The following GPD1L variants were observed in gnomAD, a reference collection of about 807,000 sequenced individuals.
GPD1L encodes the protein glycerol-3-phosphate dehydrogenase 1 like, also known as glycerol-3-phosphate dehydrogenase 1-like protein.
GPD1L carries 17 observed loss-of-function variants against 32.9 expected under a neutral mutation model. The ratio of observed to expected loss-of-function variants is 0.52; its 90% CI spans 0.35 to 0.78. GPD1L has a LOEUF of 0.78. Ranked by LOEUF, GPD1L falls within the 30% of genes least tolerant of loss-of-function variation. The pLI, the probability that GPD1L is intolerant of heterozygous loss-of-function variation, is 0.01. For missense variants in GPD1L, 361 were observed against 447.8 expected (o/e 0.81, Z 1.75); for synonymous variants, 187 against 165.9 (o/e 1.13, Z -0.98).
At chr3:32,145,548 C>A (rs571378768) in intron 4 of GPD1L, among the ~76,000 whole-genome samples, 1 of 152,232 alleles carries the variant, frequency 6.6e-6, no homozygotes, top group Non-Finnish European at 1.5e-5. Flanking sequence ...ACCCAAGTTT[C>A]CAGCTGCAGA....
At chr3:32,120,503 G>C (rs1312576773) in intron 1 of GPD1L, among the ~76,000 whole-genome samples, 1 of 152,196 alleles carries the variant, frequency 6.6e-6, no homozygotes, top group African/African-American at 2.4e-5. Context: ...GTCTTTCTGA[G>C]TGGTGGGGGA....
intron 2 of GPD1L, among the ~76,000 whole-genome samples, chr3:32,132,532 C>A (rs1284883038): frequency 6.6e-6 from 1 of 152,146 alleles, no homozygotes; most frequent in African/African-American, 2.4e-5. Context: ...CAGTTCAGTG[C>A]GAAGCCTCAG....
chr3:32,132,702 C>T (rs887847830), intron 2 of GPD1L, among the ~76,000 whole-genome samples: 4 of 152,244 alleles, frequency 2.6e-5, no homozygotes, highest in South Asian at 2.1e-4. Flanking sequence ...GTTTCAGGTG[C>T]GGTCCCTGAA....
At chr3:32,115,979 G>A (rs1032109285) in intron 1 of GPD1L, among the ~76,000 whole-genome samples, 8 of 151,564 alleles carry the variant, frequency 5.3e-5, no homozygotes, top group Non-Finnish European at 1.0e-4. Flanking sequence ...TAGTAGAGAC[G>A]GGGTTTCACC....
At chr3:32,113,889 T>C (rs1240317569) in intron 1 of GPD1L, among the ~76,000 whole-genome samples, 1 of 152,190 alleles carries the variant, frequency 6.6e-6, no homozygotes, top group Non-Finnish European at 1.5e-5. Context: ...AGTCTCACTC[T>C]GTCACCCAGG....
intron 4 of GPD1L, among the ~76,000 whole-genome samples, chr3:32,143,354 G>A (rs1350396287): frequency 6.6e-6 from 1 of 152,154 alleles, no homozygotes; most frequent in African/African-American, 2.4e-5. Flanking sequence ...GCCTGCTGAT[G>A]TACCGGGATT....
chr3:32,133,227 T>A (rs1414965716), intron 2 of GPD1L, among the ~76,000 whole-genome samples: 1 of 152,180 alleles, frequency 6.6e-6, no homozygotes, highest in Non-Finnish European at 1.5e-5. Context: ...GAACCAGAAT[T>A]GTTTCAGCAT....
chr3:32,168,675 A>G lies in GPD1L; in HGVS notation c.*2765A>G, dbSNP rs576395617. On this transcript the variant is annotated 3_prime_UTR_variant, in exon 8 of 8. Transcript: ENST00000282541. ...TAGACTGTAGGTGGATATATAATTT[A>G]AAAGCTTGATTTAATAAACATTTAA... 1 of 152,784 alleles carries G rather than the reference A, an allele frequency of 6.5e-6. No homozygotes were observed. Among genetic ancestry groups the G allele is most frequent in the Admixed American group, 6.5e-5 (1 of 15,300 alleles). 9.5% of individuals were successfully genotyped at this position (152,784 alleles called of 1,614,324 possible).
At chr3:32,109,869 T>G (rs1172740186) in intron 1 of GPD1L, among the ~76,000 whole-genome samples, 2 of 152,272 alleles carry the variant, frequency 1.3e-5, no homozygotes, top group East Asian at 3.8e-4. Flanking sequence ...CCAAGTGGAA[T>G]GGAGTAACTG....
chr3:32,120,355 G>T (rs1700393419), intron 1 of GPD1L, among the ~76,000 whole-genome samples: 1 of 152,038 alleles, frequency 6.6e-6, no homozygotes, highest in South Asian at 2.1e-4. Context: ...AAAAACAAGT[G>T]AGCCTGCCCA....
chr3:32,123,437 A>C (rs1700454375), intron 1 of GPD1L, among the ~76,000 whole-genome samples: 1 of 152,080 alleles, frequency 6.6e-6, no homozygotes. Flanking sequence ...GACATTCTGC[A>C]CTCGCTCAGG....
intron 5 of GPD1L, among the ~76,000 whole-genome samples, chr3:32,147,851 A>G (rs1700854014): frequency 6.6e-6 from 1 of 152,074 alleles, no homozygotes; most frequent in Non-Finnish European, 1.5e-5. Flanking sequence ...AGAAGTTAAA[A>G]CCACTCTCTA....
At chr3:32,133,376 G>A (rs1700614355) in intron 2 of GPD1L, among the ~76,000 whole-genome samples, 2 of 152,122 alleles carry the variant, frequency 1.3e-5, no homozygotes, top group South Asian at 4.1e-4. Flanking sequence ...AAAAAGGTTT[G>A]TAGTAAGATT....
chr3:32,110,866 TTTTG>T (rs1373297015), intron 1 of GPD1L, among the ~76,000 whole-genome samples: 1 of 152,194 alleles, frequency 6.6e-6, no homozygotes, highest in Non-Finnish European at 1.5e-5. Context: ...TTTTTTCTTT[TTTTG>T]TTTTTGTTGT....
At chr3:32,151,941 A>G (rs1391171670) in intron 5 of GPD1L, 1 of 152,752 alleles carries the variant, frequency 6.5e-6, no homozygotes. Flanking sequence ...CCAGAAGGCT[A>G]TCATTTTTAA....
At chr3:32,158,273 T>C (rs1701022054) in intron 5 of GPD1L, 1 of 154,936 alleles carries the variant, frequency 6.5e-6, no homozygotes, top group Non-Finnish European at 1.4e-5. Flanking sequence ...AAGCTACACA[T>C]AAAATATTAC....
intron 3 of GPD1L, 111 bp downstream of exon 3, chr3:32,138,838 T>G: frequency 1.7e-6 from 2 of 1,167,666 alleles, no homozygotes; most frequent in Middle Eastern, 2.4e-4. Flanking sequence ...TGTGGCGGTT[T>G]TTCGTTTGTG....
intron 4 of GPD1L, among the ~76,000 whole-genome samples, chr3:32,144,048 G>T (rs1272986400): frequency 6.6e-6 from 1 of 152,176 alleles, no homozygotes; most frequent in Non-Finnish European, 1.5e-5. Context: ...AGGGAGGGTT[G>T]CTGTGGAAGA....
At chr3:32,132,832 C>A (rs575670897) in intron 2 of GPD1L, among the ~76,000 whole-genome samples, 7 of 152,132 alleles carry the variant, frequency 4.6e-5, no homozygotes, top group Non-Finnish European at 7.4e-5. Context: ...GGAATCCAGG[C>A]GATGGATAGC....
Sources: allele counts gnomAD v4.1 joint callset (sites outside exome capture counted in the v4.1 genomes callset), GRCh38; gene constraint gnomAD v4.1.1; transcripts MANE v1.5; gene names NCBI Gene and HGNC (gene_info 2026-07-23, HGNC 2026-07-21).